The following LRRC4C variants were observed in gnomAD, a reference collection of about 807,000 sequenced individuals.
LRRC4C encodes the protein leucine rich repeat containing 4C, also known as leucine-rich repeat-containing protein 4C.
A neutral mutation model predicts 33.6 loss-of-function variants in LRRC4C; 5 were observed. The ratio of observed to expected loss-of-function variants is 0.15; its 90% CI spans 0.08 to 0.31. The LOEUF (loss-of-function observed/expected upper bound fraction) is 0.31. Among genes scored for constraint, LRRC4C ranks in the 10% least tolerant of loss-of-function variants. The probability of loss-of-function intolerance (pLI) is 1.00; values close to 1 mark genes in which losing one functional copy is unlikely to be tolerated. For missense variants in LRRC4C, 560 were observed against 796.7 expected (o/e 0.70, Z 3.58); for synonymous variants, 329 against 302.0 (o/e 1.09, Z -0.93).
intron 2 of LRRC4C, among the ~76,000 whole-genome samples, chr11:40,846,040 G>A (rs1263132738): frequency 3.1e-5 from 4 of 130,308 alleles, no homozygotes; most frequent in Non-Finnish European, 4.9e-5. Context: ...TTTTTTTCTT[G>A]TAAATTTGTT....
intron 4 of LRRC4C, among the ~76,000 whole-genome samples, chr11:40,296,720 C>A (rs1203907306): frequency 6.6e-6 from 1 of 151,858 alleles, no homozygotes; most frequent in Non-Finnish European, 1.5e-5. Flanking sequence ...CAAATTGTTG[C>A]TGAAAAAAAA....
intron 5 of LRRC4C, among the ~76,000 whole-genome samples, chr11:40,221,973 T>C (rs148106076): frequency 1.3e-5 from 2 of 152,232 alleles, no homozygotes; most frequent in African/African-American, 4.8e-5. Context: ...TTCTTTAACT[T>C]GGTGTCTGAG....
chr11:40,714,803 C>T (rs1242137671), intron 2 of LRRC4C, among the ~76,000 whole-genome samples: 1 of 152,184 alleles, frequency 6.6e-6, no homozygotes, highest in Admixed American at 6.5e-5. Flanking sequence ...TTTATTATGA[C>T]TAACCTGGTA....
At chr11:40,275,302 CA>C (rs1943021073) in intron 4 of LRRC4C, among the ~76,000 whole-genome samples, 1 of 152,024 alleles carries the variant, frequency 6.6e-6, no homozygotes, top group Admixed American at 6.6e-5. Flanking sequence ...AATATGCAAA[CA>C]GGGGGAGATT....
chr11:40,279,428 T>A (rs1039586456), intron 4 of LRRC4C, among the ~76,000 whole-genome samples: 1 of 152,240 alleles, frequency 6.6e-6, no homozygotes, highest in Non-Finnish European at 1.5e-5. Context: ...TCTTATGCCA[T>A]ATTTCCATTT....
chr11:40,615,011 G>A (rs1047718254), intron 3 of LRRC4C, among the ~76,000 whole-genome samples: 1 of 151,502 alleles, frequency 6.6e-6, no homozygotes, highest in East Asian at 1.9e-4. Flanking sequence ...CACAAAGTGA[G>A]CACGTGCTGT....
chr11:41,147,356 G>A (rs932684882), intron 1 of LRRC4C, among the ~76,000 whole-genome samples: 1 of 152,162 alleles, frequency 6.6e-6, no homozygotes, highest in Non-Finnish European at 1.5e-5. Flanking sequence ...CGGTGAGGAA[G>A]TAACCTGTAC....
intron 1 of LRRC4C, among the ~76,000 whole-genome samples, chr11:41,111,761 AC>A (rs948310583): frequency 1.3e-5 from 2 of 151,924 alleles, no homozygotes; most frequent in African/African-American, 2.4e-5. Flanking sequence ...AGTAAAAGTA[AC>A]CTTTCCCTGT....
intron 6 of LRRC4C, among the ~76,000 whole-genome samples, chr11:40,125,760 C>T (rs963457027): frequency 7.2e-5 from 11 of 152,160 alleles, no homozygotes; most frequent in African/African-American, 2.4e-4. Context: ...TTTATCTGGA[C>T]ATCTCTGGGT....
chr11:40,654,637 C>T (rs1264106684), intron 2 of LRRC4C, among the ~76,000 whole-genome samples: 1 of 152,134 alleles, frequency 6.6e-6, no homozygotes, highest in East Asian at 1.9e-4. Context: ...CTTGCTTTGT[C>T]TCAGATGAGA....
chr11:40,119,233 A>C (rs180752886), intron 6 of LRRC4C, among the ~76,000 whole-genome samples: 1 of 152,286 alleles, frequency 6.6e-6, no homozygotes, highest in Admixed American at 6.5e-5. Context: ...CGTTTACAAA[A>C]ACACTGTAAG....
At chr11:41,284,082 A>G (rs1243901906) in intron 1 of LRRC4C, among the ~76,000 whole-genome samples, 4 of 152,230 alleles carry the variant, frequency 2.6e-5, no homozygotes, top group African/African-American at 9.6e-5. Flanking sequence ...TATGAATACA[A>G]CTGTTAATAA....
At chr11:40,294,637 C>T (rs371586080) in intron 4 of LRRC4C, among the ~76,000 whole-genome samples, 1 of 151,898 alleles carries the variant, frequency 6.6e-6, no homozygotes, top group East Asian at 2.0e-4. Context: ...GACCAACCTG[C>T]CCAACATTGT....
intron 1 of LRRC4C, among the ~76,000 whole-genome samples, chr11:41,262,373 C>T (rs571473175): frequency 2.0e-5 from 3 of 149,088 alleles, no homozygotes; most frequent in African/African-American, 5.0e-5. Flanking sequence ...CTGCTGACTG[C>T]TACCCTATAC....
intron 1 of LRRC4C, among the ~76,000 whole-genome samples, chr11:41,410,960 A>G (rs1954452539): frequency 6.6e-6 from 1 of 151,664 alleles, no homozygotes; most frequent in South Asian, 2.1e-4. Flanking sequence ...AAATCTTAGC[A>G]TCATCAAAGG....
At chr11:40,588,477 T>C (rs1958871275) in intron 3 of LRRC4C, among the ~76,000 whole-genome samples, 1 of 151,768 alleles carries the variant, frequency 6.6e-6, no homozygotes, top group Non-Finnish European at 1.5e-5. Context: ...TCTATTTCCT[T>C]CAGTTCTGCT....
In LRRC4C at chr11:40,452,069, A is replaced by C. The variant is rs545635232; in HGVS notation, c.-269-132348T>G. Among the ~76,000 whole-genome samples the C allele has an allele frequency of 9.2e-5, 14 of 152,208 alleles. No individual in the cohort carries two copies. In the South Asian group the frequency reaches 2.9e-3, roughly 32 times the overall value. On this transcript the variant is annotated intron_variant, in intron 3 of 6. Coordinates refer to ENST00000528697, the MANE Select transcript of LRRC4C (RefSeq NM_001258419.2). ...GCCAAGGAAAGCGGTGACAGACAGC[A>C]CCTGGAAAATCTTGTCACTCCCACC...
intron 3 of LRRC4C, among the ~76,000 whole-genome samples, chr11:40,573,207 T>C (rs1958052916): frequency 6.6e-6 from 1 of 152,216 alleles, no homozygotes; most frequent in Non-Finnish European, 1.5e-5. Flanking sequence ...AAATGAATAG[T>C]AAGATTTTAG....
At chr11:41,309,429 G>C (rs528562082) in intron 1 of LRRC4C, among the ~76,000 whole-genome samples, 1 of 152,278 alleles carries the variant, frequency 6.6e-6, no homozygotes, top group African/African-American at 2.4e-5. Flanking sequence ...CACTTCCTGA[G>C]TACTTTCGGA....
Sources: gnomAD v4.1 joint callset for allele counts (sites outside exome capture counted in the v4.1 genomes callset) on GRCh38, gnomAD v4.1.1 for gene constraint, MANE v1.5 for transcripts, NCBI Gene and HGNC (gene_info 2026-07-23, HGNC 2026-07-21) for gene names.